Variants in DNER observed in about 807,000 individuals in gnomAD.
The protein encoded by DNER is delta/notch like EGF repeat containing.
In DNER, 33 loss-of-function variants were observed where a neutral mutation model predicts 78.2. That is an observed-to-expected ratio of 0.42 (90% CI 0.32 to 0.56). DNER has a LOEUF of 0.56. DNER is among the 20% of genes least tolerant of loss of function. The probability of loss-of-function intolerance (pLI) is 0.11; values close to 1 mark genes in which losing one functional copy is unlikely to be tolerated. For missense variants in DNER, 918 were observed against 975.3 expected (o/e 0.94, Z 0.78); for synonymous variants, 417 against 384.8 (o/e 1.08, Z -0.98).
At chr2:229,700,199 A>C (rs1699721345) in intron 1 of DNER, among the ~76,000 whole-genome samples, 1 of 152,070 alleles carries the variant, frequency 6.6e-6, no homozygotes, top group South Asian at 2.1e-4. Context: ...GCTGTCAGTA[A>C]ATTTGCAAAA....
intron 7 of DNER, among the ~76,000 whole-genome samples, chr2:229,455,387 G>A (rs1349460493): frequency 5.3e-5 from 8 of 152,000 alleles, no homozygotes; most frequent in Non-Finnish European, 8.8e-5. Flanking sequence ...AATAAATGTC[G>A]GATTCTTTTC....
At chr2:229,585,029 G>C (rs1392327593) in intron 4 of DNER, among the ~76,000 whole-genome samples, 1 of 152,126 alleles carries the variant, frequency 6.6e-6, no homozygotes, top group Admixed American at 6.5e-5. Context: ...CAGGAGGGGT[G>C]GTTATGGAGG....
intron 2 of DNER, among the ~76,000 whole-genome samples, chr2:229,588,995 C>T (rs989833390): frequency 7.2e-5 from 11 of 152,214 alleles, no homozygotes; most frequent in Non-Finnish European, 1.3e-4. Context: ...GGCTGGGGAG[C>T]TTGAACGCTG....
intron 1 of DNER, among the ~76,000 whole-genome samples, chr2:229,599,891 T>C (rs1251926404): frequency 6.6e-6 from 1 of 152,176 alleles, no homozygotes; most frequent in Admixed American, 6.5e-5. Flanking sequence ...TATGTATATT[T>C]ACTGGAGGAT....
intron 4 of DNER, among the ~76,000 whole-genome samples, chr2:229,575,121 A>G (rs1323303150): frequency 6.6e-6 from 1 of 152,226 alleles, no homozygotes; most frequent in Non-Finnish European, 1.5e-5. Flanking sequence ...TGTAATTTTC[A>G]TAAATTAACC....
intron 8 of DNER, 137 bp from the exon 9 acceptor site, chr2:229,418,367 T>C: frequency 1.6e-6 from 2 of 1,234,700 alleles, no homozygotes; most frequent in South Asian, 3.1e-5. Flanking sequence ...GAGCTAGATC[T>C]CTTGGGGTAA....
intron 9 of DNER, among the ~76,000 whole-genome samples, chr2:229,413,567 G>A (rs371374996): frequency 5.3e-5 from 8 of 150,808 alleles, no homozygotes; most frequent in African/African-American, 1.7e-4. Context: ...ATTATCTGCC[G>A]GCCTCAGCCT....
intron 1 of DNER, among the ~76,000 whole-genome samples, chr2:229,652,479 C>G (rs1427256812): frequency 2.6e-5 from 4 of 152,210 alleles, no homozygotes; most frequent in African/African-American, 9.6e-5. Context: ...CATCAAAATA[C>G]ATAAGCAAAT....
chr2:229,521,798 A>ACAAAC lies in DNER; in HGVS notation c.994-8867_994-8863dup, dbSNP rs1178315998. 2.0e-5 allele frequency among the ~76,000 whole-genome samples: 3 copies of ACAAAC among 152,334 alleles called. No individual in the cohort carries two copies. In the East Asian group the frequency reaches 5.8e-4, roughly 29 times the overall value. On this transcript the variant is annotated intron_variant, in intron 5 of 12. Transcript: ENST00000341772. Reference sequence around the variant, plus strand: ...GAACACATGGAACCTAGCCACAGAGACAAACTGTTGCTCTTTGGGGGAACA... The same window carrying ACAAAC: ...GAACACATGGAACCTAGCCACAGAGACAAACCAAACTGTTGCTCTTTGGGGGAACA...
intron 11 of DNER, among the ~76,000 whole-genome samples, chr2:229,369,585 G>A (rs1692434653): frequency 6.6e-6 from 1 of 152,190 alleles, no homozygotes; most frequent in African/African-American, 2.4e-5. Context: ...GAGGAGGGAA[G>A]GATAAAGGGT....
rs146521450 is a variant in DNER, at chr2:229,590,860, G to A, written c.585+720C>T. On this transcript the variant is annotated intron_variant, in intron 2 of 12. Coordinates refer to ENST00000341772, the MANE Select transcript of DNER (RefSeq NM_139072.4). The stretch of plus-strand genomic sequence containing the variant: ...TGGGATGTGAGGTCTGGTAGGAGAT[G>A]TTTGGGCCATGGGGGCAGATCTCTC... Among the ~76,000 whole-genome samples, 107 of 152,368 alleles carry A rather than the reference G, an allele frequency of 7.0e-4. 1 individual carries two copies. The highest frequency in any genetic ancestry group is 2.5e-3 in the African/African-American group (103 of 41,584).
At chr2:229,506,815 A>G (rs563997283) in intron 6 of DNER, among the ~76,000 whole-genome samples, 118 of 152,296 alleles carry the variant, frequency 7.7e-4, no homozygotes, top group African/African-American at 2.7e-3. Context: ...GATGGTTTCC[A>G]GCTTCATCCA....
intron 4 of DNER, among the ~76,000 whole-genome samples, chr2:229,552,361 C>T (rs891243467): frequency 1.3e-5 from 2 of 152,148 alleles, no homozygotes; most frequent in Non-Finnish European, 2.9e-5. Context: ...TCTGTAGAAC[C>T]ATTTGCTTCC....
chr2:229,409,437 A>C (rs979480664), intron 9 of DNER, among the ~76,000 whole-genome samples: 6 of 152,234 alleles, frequency 3.9e-5, no homozygotes, highest in Admixed American at 1.3e-4. Context: ...GTTTCTAGTA[A>C]TACATTAACA....
At chr2:229,683,207 C>A (rs144003259) in intron 1 of DNER, among the ~76,000 whole-genome samples, 2 of 152,136 alleles carry the variant, frequency 1.3e-5, no homozygotes, top group Admixed American at 6.5e-5. Context: ...GCCCCTACCC[C>A]CCTCTTAGAT....
chr2:229,488,294 G>GTGTGGA (rs1301364190), intron 6 of DNER, among the ~76,000 whole-genome samples: 1 of 152,236 alleles, frequency 6.6e-6, no homozygotes, highest in Non-Finnish European at 1.5e-5. Context: ...GTGCCAGTGT[G>GTGTGGA]TGTGGATGTG....
At position 229,681,306 on chromosome 2, in the gene DNER, T is replaced by C. The variant is rs573548203; in HGVS notation, c.276+32842A>G. On this transcript the variant is annotated intron_variant, in intron 1 of 12. Coordinates refer to ENST00000341772, the MANE Select transcript of DNER (RefSeq NM_139072.4). Reference sequence around the variant, plus strand: ...TGAGAAACAATAGACCACCCCAAGGTTCTAACACTTAAGTCCTGGATCTCA... The same window carrying C: ...TGAGAAACAATAGACCACCCCAAGGCTCTAACACTTAAGTCCTGGATCTCA... Among the ~76,000 whole-genome samples, 77 of 152,148 alleles carry C rather than the reference T, an allele frequency of 5.1e-4. 2 individuals are homozygous for C. In the South Asian group the frequency reaches 7.9e-3, roughly 16 times the overall value.
At chr2:229,536,890 G>A (rs1696414381) in intron 5 of DNER, among the ~76,000 whole-genome samples, 1 of 152,160 alleles carries the variant, frequency 6.6e-6, no homozygotes, top group African/African-American at 2.4e-5. Flanking sequence ...CCAAATTACT[G>A]ATTTCACCTG....
intron 1 of DNER, among the ~76,000 whole-genome samples, chr2:229,710,727 C>G (rs1699898458): frequency 6.6e-6 from 1 of 151,982 alleles, no homozygotes; most frequent in Admixed American, 6.6e-5. Context: ...ATTAGTCACT[C>G]AATCAAAATG....
Sources: gnomAD v4.1 joint callset for allele counts (sites outside exome capture counted in the v4.1 genomes callset) on GRCh38, gnomAD v4.1.1 for gene constraint, MANE v1.5 for transcripts, NCBI Gene and HGNC (gene_info 2026-07-23, HGNC 2026-07-21) for gene names.